The following CWC27 variants were observed in gnomAD, a reference collection of about 807,000 sequenced individuals.
CWC27 encodes CWC27 spliceosome associated cyclophilin.
CWC27 carries 47 observed loss-of-function variants against 63.6 expected under a neutral mutation model. The observed-to-expected ratio is 0.74, with a 90% confidence interval of 0.58 to 0.94. The LOEUF (loss-of-function observed/expected upper bound fraction) is 0.94. Ranked by LOEUF, CWC27 falls within the 40% of genes least tolerant of loss-of-function variation. CWC27 has a pLI of 0.00. For missense variants in CWC27, 495 were observed against 554.3 expected, an observed-to-expected ratio of 0.89 and a Z score of 1.07; for synonymous variants, 175 against 179.8, an observed-to-expected ratio of 0.97 and a Z score of 0.22.
chr5:64,783,872 G>A lies in CWC27; in HGVS notation c.289G>A (p.Gly97Arg). 4 of 1,600,116 alleles carry A rather than the reference G, an allele frequency of 2.5e-6. No homozygotes were observed. The highest frequency in any genetic ancestry group is 3.4e-6 in the Non-Finnish European group (4 of 1,174,616). Residue 97 changes from glycine to arginine, a missense_variant, in exon 4 of 14, where the codon GGA becomes AGA. By Grantham distance (125) the Gly-to-Arg change is moderately radical. Transcript: ENST00000381070. ...FHSRLRFNRRGLVAMANAGSH... is the reference protein window; with the variant it reads ...FHSRLRFNRRRLVAMANAGSH... ...TTCACGGTTGCGTTTTAATCGGAGAGGACTGGTTGCCATGGCAAATGCTGG... is the reference window on the plus strand; with the variant it reads ...TTCACGGTTGCGTTTTAATCGGAGAAGACTGGTTGCCATGGCAAATGCTGG...
intron 13 of CWC27, among the ~76,000 whole-genome samples, chr5:65,015,327 A>G (rs1272124768): frequency 1.3e-5 from 2 of 152,222 alleles, no homozygotes; most frequent in Non-Finnish European, 2.9e-5. Context: ...TGGGCAGAGA[A>G]AAGGATAATT....
At chr5:64,889,648 G>A (rs1318091162) in intron 11 of CWC27, among the ~76,000 whole-genome samples, 5 of 151,952 alleles carry the variant, frequency 3.3e-5, no homozygotes, top group East Asian at 1.9e-4. Flanking sequence ...AATTGAGGCC[G>A]GGCGCGGTGG....
At chr5:64,959,670 A>G (rs2112432275) in intron 11 of CWC27, among the ~76,000 whole-genome samples, 1 of 152,330 alleles carries the variant, frequency 6.6e-6, no homozygotes, top group Admixed American at 6.5e-5. Flanking sequence ...TTAGGCAACC[A>G]TCTATTGAAA....
chr5:64,923,100 G>T (rs1437315903), intron 11 of CWC27, among the ~76,000 whole-genome samples: 1 of 152,106 alleles, frequency 6.6e-6, no homozygotes, highest in African/African-American at 2.4e-5. Flanking sequence ...CTGCAGCAGG[G>T]GTGCAAATGT....
intron 11 of CWC27, among the ~76,000 whole-genome samples, chr5:64,960,436 G>A (rs910134184): frequency 1.3e-5 from 2 of 152,020 alleles, no homozygotes; most frequent in African/African-American, 2.4e-5. Flanking sequence ...AGTTACCAGT[G>A]TCTGGCATAT....
intron 10 of CWC27, among the ~76,000 whole-genome samples, chr5:64,806,796 C>T (rs986013958): frequency 6.6e-6 from 1 of 151,768 alleles, no homozygotes; most frequent in Non-Finnish European, 1.5e-5. Flanking sequence ...GAGCTATGAT[C>T]CTGTATGGGC....
chr5:64,819,754 G>C (rs946420630), intron 10 of CWC27, among the ~76,000 whole-genome samples: 1 of 152,044 alleles, frequency 6.6e-6, no homozygotes, highest in African/African-American at 2.4e-5. Context: ...CTAATACGGG[G>C]ACAAAACACC....
At chr5:64,960,744 C>A (rs1258912703) in intron 11 of CWC27, among the ~76,000 whole-genome samples, 1 of 151,872 alleles carries the variant, frequency 6.6e-6, no homozygotes, top group Non-Finnish European at 1.5e-5. Context: ...TATAAGCAGG[C>A]TTATTAACAG....
chr5:64,874,453 C>T (rs1212429737), intron 10 of CWC27, among the ~76,000 whole-genome samples: 3 of 151,488 alleles, frequency 2.0e-5, no homozygotes, highest in African/African-American at 4.9e-5. Flanking sequence ...CATGAGCCAC[C>T]GTGCCCAGCC....
intron 10 of CWC27, among the ~76,000 whole-genome samples, chr5:64,880,007 G>T (rs987838567): frequency 6.6e-6 from 1 of 151,738 alleles, no homozygotes; most frequent in Admixed American, 6.6e-5. Context: ...CTCTTTCTTG[G>T]TTTAGACACA....
intron 5 of CWC27, 145 bp from the exon 6 acceptor site, chr5:64,786,379 T>C: frequency 2.3e-6 from 1 of 437,364 alleles, no homozygotes; most frequent in Non-Finnish European, 4.1e-6. Context: ...TGGAAGCATG[T>C]TGTGTAGTAA....
At chr5:64,978,186 TA>T (rs1489359116) in intron 13 of CWC27, among the ~76,000 whole-genome samples, 1 of 152,170 alleles carries the variant, frequency 6.6e-6, no homozygotes, top group African/African-American at 2.4e-5. Context: ...AAAACACATT[TA>T]AAAAGACATA....
At chr5:64,900,304 TTAA>T (rs923026772) in intron 11 of CWC27, among the ~76,000 whole-genome samples, 1 of 152,242 alleles carries the variant, frequency 6.6e-6, no homozygotes, top group Non-Finnish European at 1.5e-5. Flanking sequence ...TTACATTTAA[TTAA>T]TAATGATGTT....
chr5:64,769,890 A>G (rs1743182394), intron 1 of CWC27, among the ~76,000 whole-genome samples: 1 of 152,224 alleles, frequency 6.6e-6, no homozygotes, highest in Non-Finnish European at 1.5e-5. Context: ...TTTGATGGCT[A>G]ATGTATGCCA....
intron 13 of CWC27, among the ~76,000 whole-genome samples, chr5:65,016,831 C>T (rs1188937454): frequency 6.6e-6 from 1 of 152,164 alleles, no homozygotes; most frequent in African/African-American, 2.4e-5. Context: ...GGGATCTTCA[C>T]TACTGCCTAC....
At position 64,950,797 on chromosome 5, in the gene CWC27, G is replaced by A. The variant is rs185451422; in HGVS notation, c.1043-20906G>A. Reference sequence around the variant, plus strand: ...ATCCCTTTGCAGTTAATCCCCTCTAGTCATAGACCCAGCCCTGGCAACCAT... The same window carrying A: ...ATCCCTTTGCAGTTAATCCCCTCTAATCATAGACCCAGCCCTGGCAACCAT... On this transcript the variant is annotated intron_variant, in intron 11 of 13. Coordinates refer to ENST00000381070, the MANE Select transcript of CWC27 (RefSeq NM_005869.4). Among the ~76,000 whole-genome samples, 5 of 151,998 alleles carry A rather than the reference G, an allele frequency of 3.3e-5. No homozygotes were observed. The East Asian group carries it at 9.7e-4, about 29-fold the overall frequency.
intron 11 of CWC27, among the ~76,000 whole-genome samples, chr5:64,952,152 T>A (rs1748721874): frequency 6.6e-6 from 1 of 151,982 alleles, no homozygotes; most frequent in Non-Finnish European, 1.5e-5. Flanking sequence ...TAGATTACTT[T>A]ATAATACCTA....
intron 11 of CWC27, among the ~76,000 whole-genome samples, chr5:64,890,798 T>C (rs1298873625): frequency 6.6e-6 from 1 of 152,212 alleles, no homozygotes; most frequent in Non-Finnish European, 1.5e-5. Context: ...GCGTATACTC[T>C]AAAAGGGTGA....
chr5:65,006,944 C>T (rs556823602), intron 13 of CWC27, among the ~76,000 whole-genome samples: 15 of 132,118 alleles, frequency 1.1e-4, no homozygotes, highest in South Asian at 2.4e-4. Flanking sequence ...CTAAAATACA[C>T]GTTTATTTAA....
Sources: allele counts gnomAD v4.1 joint callset (sites outside exome capture counted in the v4.1 genomes callset), GRCh38; gene constraint gnomAD v4.1.1; transcripts MANE v1.5; gene names NCBI Gene and HGNC (gene_info 2026-07-23, HGNC 2026-07-21).